Variants in SLC6A11 observed in about 807,000 individuals in gnomAD.
The protein encoded by SLC6A11 is solute carrier family 6 member 11, also known as sodium- and chloride-dependent GABA transporter 3.
A neutral mutation model predicts 74.8 loss-of-function variants in SLC6A11; 25 were observed. That is an observed-to-expected ratio of 0.33 (90% CI 0.24 to 0.47). The LOEUF (loss-of-function observed/expected upper bound fraction) is 0.47. Ranked by LOEUF, SLC6A11 falls within the 20% of genes least tolerant of loss-of-function variation. SLC6A11 has a pLI of 1.00. For missense variants in SLC6A11, 574 were observed against 837.0 expected (o/e 0.69, Z 3.88); for synonymous variants, 330 against 330.2 (o/e 1.00, Z 0.01).
At position 10,816,561 on chromosome 3, in the gene SLC6A11, G is replaced by A. The variant is rs752938648; in HGVS notation, c.256+40G>A. 2.0e-6 allele frequency: 3 copies of A among 1,519,308 alleles called. No homozygotes were observed. The highest frequency in any genetic ancestry group is 1.8e-6 in the Non-Finnish European group (2 of 1,131,022). The allele number at this position is 1,519,308 out of a possible 1,614,324, so 94.1% of individuals were successfully genotyped here. A position where few individuals can be genotyped will look rare whatever the true frequency, so the allele number is the denominator to read the frequency against. On this transcript the variant is annotated intron_variant, in intron 1 of 13. Transcript: ENST00000254488. This position sits in a 1 kb window ranked among gnomAD's most constrained non-coding sequence, Gnocchi z 4.2. ...AGGAGAAGGGGAGGGGGCGCCAACCGCCCGGTGGGGGCGGGGAGCCAGGGG... is the reference window on the plus strand; with the variant it reads ...AGGAGAAGGGGAGGGGGCGCCAACCACCCGGTGGGGGCGGGGAGCCAGGGG...
intron 1 of SLC6A11, among the ~76,000 whole-genome samples, chr3:10,819,070 G>A (rs1413257521): frequency 1.3e-5 from 2 of 152,136 alleles, no homozygotes; most frequent in Non-Finnish European, 2.9e-5. Context: ...GGTCTGTTGA[G>A]GTCACTTTAA....
chr3:10,923,779 A>G (rs762140120), intron 8 of SLC6A11, among the ~76,000 whole-genome samples: 3 of 152,214 alleles, frequency 2.0e-5, no homozygotes, highest in Non-Finnish European at 4.4e-5. Context: ...GTAATGTTAT[A>G]GTGGAGAAAC....
rs570059208 is a variant in SLC6A11 at position 10,883,073 on chromosome 3, G to C, written c.891+7978G>C. ...GGGCGGGGGGCGGGGAGGTGGGGGGGCGCTTTGAACTTGGAACCGAGGACC... is the reference window on the plus strand; with the variant it reads ...GGGCGGGGGGCGGGGAGGTGGGGGGCCGCTTTGAACTTGGAACCGAGGACC... On this transcript the variant is annotated intron_variant, in intron 6 of 13. Transcript: ENST00000254488. Among the ~76,000 whole-genome samples the C allele has an allele frequency of 3.3e-5, 5 of 152,210 alleles. No homozygotes were observed. In the East Asian group the frequency reaches 9.7e-4, roughly 29 times the overall value.
chr3:10,916,915 A>G (rs1403931996), intron 7 of SLC6A11, among the ~76,000 whole-genome samples: 5 of 152,204 alleles, frequency 3.3e-5, no homozygotes, highest in Non-Finnish European at 7.3e-5. Flanking sequence ...CTTGATTCCT[A>G]GGGTCATTGC....
intron 10 of SLC6A11, among the ~76,000 whole-genome samples, chr3:10,932,067 G>A (rs975460358): frequency 4.6e-5 from 7 of 151,992 alleles, no homozygotes; most frequent in African/African-American, 9.7e-5. Context: ...TTTCCCCTGC[G>A]TTTGATTGCA....
At chr3:10,873,775 G>GTCCTA (rs1190098633) in intron 5 of SLC6A11, among the ~76,000 whole-genome samples, 13 of 125,302 alleles carry the variant, frequency 1.0e-4, no homozygotes, top group African/African-American at 3.9e-4. Context: ...GTCCTGTCCT[G>GTCCTA]TCCTGTCCTA....
At chr3:10,877,498 C>T (rs917633326) in intron 6 of SLC6A11, among the ~76,000 whole-genome samples, 1 of 152,168 alleles carries the variant, frequency 6.6e-6, no homozygotes, top group Non-Finnish European at 1.5e-5. Context: ...AGCCTTCCTG[C>T]GATGCAGAGT....
At chr3:10,870,300 G>T (rs1483895328) in intron 5 of SLC6A11, among the ~76,000 whole-genome samples, 1 of 152,158 alleles carries the variant, frequency 6.6e-6, no homozygotes, top group Non-Finnish European at 1.5e-5. Context: ...ACTAGACCTA[G>T]GTCTTACCAT....
chr3:10,872,737 A>G (rs1291718861), intron 5 of SLC6A11, among the ~76,000 whole-genome samples: 1 of 152,228 alleles, frequency 6.6e-6, no homozygotes, highest in Admixed American at 6.5e-5. Flanking sequence ...TGAATGAACA[A>G]ATGGGTGGAG....
intron 6 of SLC6A11, among the ~76,000 whole-genome samples, chr3:10,901,441 G>T (rs545357279): frequency 6.6e-6 from 1 of 152,208 alleles, no homozygotes; most frequent in African/African-American, 2.4e-5. Context: ...CTCACCGCCC[G>T]CAGCGCAACC....
chr3:10,844,153 C>T, intron 4 of SLC6A11, 61 bp from the exon 5 acceptor site: 4 of 1,605,178 alleles, frequency 2.5e-6, no homozygotes, highest in South Asian at 1.1e-5. Context: ...CTCTGCAGTA[C>T]TAGCTTTGCT....
At chr3:10,902,713 T>C (rs963534727) in intron 6 of SLC6A11, among the ~76,000 whole-genome samples, 2 of 152,256 alleles carry the variant, frequency 1.3e-5, no homozygotes, top group South Asian at 4.1e-4. Flanking sequence ...GCTCAAAGCA[T>C]GGAGCCTGGC....
chr3:10,893,270 A>G lies in SLC6A11; in HGVS notation c.891+18175A>G, dbSNP rs943936966. Among the ~76,000 whole-genome samples the G allele has an allele frequency of 2.0e-5, 3 of 152,180 alleles. No homozygotes were observed. The East Asian group carries it at 5.8e-4, about 29-fold the overall frequency. On this transcript the variant is annotated intron_variant, in intron 6 of 13. Coordinates refer to ENST00000254488, the MANE Select transcript of SLC6A11 (RefSeq NM_014229.3). ...TAAAATTAATCCATAGGTTTGTGCA[A>G]GGTGAGGTTGGAGGAATGCAAACTT...
chr3:10,833,253 G>T (rs1015540473), intron 4 of SLC6A11, among the ~76,000 whole-genome samples: 1 of 152,086 alleles, frequency 6.6e-6, no homozygotes, highest in Non-Finnish European at 1.5e-5. Context: ...GTAGAGATGG[G>T]GTTTCACCAT....
chr3:10,932,815 G>T (rs1268551708), intron 10 of SLC6A11, among the ~76,000 whole-genome samples: 3 of 152,180 alleles, frequency 2.0e-5, no homozygotes, highest in African/African-American at 4.8e-5. Flanking sequence ...GAGGCAGGGA[G>T]GCCAGTCAGG....
At chr3:10,882,421 C>T (rs1040091681) in intron 6 of SLC6A11, among the ~76,000 whole-genome samples, 1 of 152,150 alleles carries the variant, frequency 6.6e-6, no homozygotes, top group African/African-American at 2.4e-5. Context: ...TCTGTCTTCC[C>T]AGCTTGCACT....
intron 4 of SLC6A11, among the ~76,000 whole-genome samples, chr3:10,839,932 T>C (rs968162920): frequency 2.6e-5 from 4 of 152,176 alleles, no homozygotes; most frequent in African/African-American, 7.2e-5. Context: ...GGCAGTCCTC[T>C]TGTGCCTCTG....
At chr3:10,938,196 C>G in intron 13 of SLC6A11, 54 bp from the exon 14 acceptor site, 1 of 1,525,290 alleles carries the variant, frequency 6.6e-7, no homozygotes, top group East Asian at 2.3e-5. Flanking sequence ...CACGGCAGAC[C>G]CTGGACCCTG....
intron 10 of SLC6A11, among the ~76,000 whole-genome samples, chr3:10,932,374 C>T (rs1426644843): frequency 2.0e-5 from 3 of 152,168 alleles, no homozygotes; most frequent in African/African-American, 4.8e-5. Flanking sequence ...CAGTTGGACT[C>T]CCTACCCTAT....
Sources: allele counts gnomAD v4.1 joint callset (sites outside exome capture counted in the v4.1 genomes callset), GRCh38; gene constraint gnomAD v4.1.1; non-coding constraint Gnocchi (gnomAD v3.1); transcripts MANE v1.5; gene names NCBI Gene and HGNC (gene_info 2026-07-23, HGNC 2026-07-21).